The following PRKG1 variants were observed in gnomAD, a reference collection of about 807,000 sequenced individuals.
PRKG1 encodes the protein protein kinase cGMP-dependent 1, also known as cGMP-dependent protein kinase 1.
Under a neutral mutation model 88.1 loss-of-function variants are expected in PRKG1, and 35 were observed. That is an observed-to-expected ratio of 0.40 (90% confidence interval 0.30 to 0.53). The LOEUF (loss-of-function observed/expected upper bound fraction) is 0.53. PRKG1 is among the 20% of genes least tolerant of loss of function. The pLI, the probability that PRKG1 is intolerant of heterozygous loss-of-function variation, is 0.59. For missense variants in PRKG1, 540 were observed against 839.8 expected (o/e 0.64, Z 4.41); for synonymous variants, 303 against 292.5 (o/e 1.04, Z -0.37).
intron 2 of PRKG1, among the ~76,000 whole-genome samples, chr10:51,332,098 C>A (rs192735232): frequency 6.6e-6 from 1 of 152,208 alleles, no homozygotes; most frequent in South Asian, 2.1e-4. Context: ...GGATAGATAT[C>A]CATCAAATCC....
chr10:51,835,993 C>G (rs554513170), intron 4 of PRKG1, among the ~76,000 whole-genome samples: 2 of 152,102 alleles, frequency 1.3e-5, no homozygotes, highest in East Asian at 3.8e-4. Context: ...AGATGTTGAG[C>G]ATTTTTTTTA....
intron 5 of PRKG1, among the ~76,000 whole-genome samples, chr10:51,953,440 T>A (rs182744849): frequency 3.5e-4 from 53 of 152,286 alleles, no homozygotes; most frequent in Non-Finnish European, 6.8e-4. Context: ...ATCAAAGGAC[T>A]TTTTTCAGTA....
chr10:51,569,968 G>A (rs1211178004), intron 3 of PRKG1, among the ~76,000 whole-genome samples: 1 of 150,726 alleles, frequency 6.6e-6, no homozygotes, highest in Non-Finnish European at 1.5e-5. Flanking sequence ...GCATTTTGAT[G>A]TTCCTTTGAA....
intron 3 of PRKG1, among the ~76,000 whole-genome samples, chr10:51,647,507 T>G (rs1370983176): frequency 6.6e-6 from 1 of 152,186 alleles, no homozygotes; most frequent in Non-Finnish European, 1.5e-5. Flanking sequence ...CTTTGCCATT[T>G]ATCGTTTTTG....
chr10:52,159,753 A>G (rs1838230378), intron 8 of PRKG1, among the ~76,000 whole-genome samples: 1 of 151,872 alleles, frequency 6.6e-6, no homozygotes, highest in South Asian at 2.1e-4. Flanking sequence ...AATAGATAAT[A>G]GAAGGAAGAC....
chr10:51,096,111 T>C (rs2131873113), intron 1 of PRKG1, among the ~76,000 whole-genome samples: 1 of 152,218 alleles, frequency 6.6e-6, no homozygotes, highest in East Asian at 1.9e-4. Flanking sequence ...AATTTAGTAG[T>C]GTTTCTTTTT....
rs143352950 is a variant in PRKG1, at chr10:51,740,508, A to G, written c.593-64077A>G. On this transcript the variant is annotated intron_variant, in intron 3 of 17. Transcript: ENST00000373980. ...TGAATGACATTATTTTATGCTTTGC[A>G]AATCACTTTAATATCTGGATTGATA... Among the ~76,000 whole-genome samples, 696 of 152,290 alleles carry G rather than the reference A, an allele frequency of 4.6e-3. 2 individuals carry two copies. The highest frequency in any genetic ancestry group is 0.016 in the African/African-American group (675 of 41,568).
At chr10:52,230,547 G>C (rs1376907820) in intron 9 of PRKG1, among the ~76,000 whole-genome samples, 1 of 152,192 alleles carries the variant, frequency 6.6e-6, no homozygotes, top group Non-Finnish European at 1.5e-5. Flanking sequence ...TGGCCAGTGA[G>C]TAATGGAATT....
At chr10:52,223,866 A>G (rs1247851379) in intron 9 of PRKG1, among the ~76,000 whole-genome samples, 1 of 152,128 alleles carries the variant, frequency 6.6e-6, no homozygotes, top group Non-Finnish European at 1.5e-5. Context: ...ATCTTGGTCC[A>G]ACAGCAAATC....
intron 4 of PRKG1, among the ~76,000 whole-genome samples, chr10:51,905,596 C>A (rs1842069715): frequency 6.6e-6 from 1 of 151,922 alleles, no homozygotes; most frequent in Admixed American, 6.6e-5. Context: ...ATGTTGATAA[C>A]CTTTTGTTTT....
At chr10:51,036,947 T>A (rs916078944) in intron 1 of PRKG1, among the ~76,000 whole-genome samples, 2 of 152,178 alleles carry the variant, frequency 1.3e-5, no homozygotes, top group African/African-American at 4.8e-5. Flanking sequence ...GAGGATGAAT[T>A]CTCTGGTTAA....
intron 3 of PRKG1, among the ~76,000 whole-genome samples, chr10:51,480,825 G>T (rs1840334704): frequency 6.6e-6 from 1 of 152,050 alleles, no homozygotes; most frequent in Non-Finnish European, 1.5e-5. Flanking sequence ...AGATGTAATG[G>T]ACAGTCAAAA....
At chr10:52,253,699 T>C (rs1841238839) in intron 10 of PRKG1, among the ~76,000 whole-genome samples, 3 of 151,864 alleles carry the variant, frequency 2.0e-5, no homozygotes, top group Non-Finnish European at 4.4e-5. Context: ...CTCATGGATA[T>C]TATATTTTAC....
chr10:51,741,696 TA>T (rs1039682987), intron 3 of PRKG1, among the ~76,000 whole-genome samples: 2 of 152,132 alleles, frequency 1.3e-5, no homozygotes, highest in Non-Finnish European at 2.9e-5. Context: ...GGAATATGGC[TA>T]GGAGTTTTGG....
At chr10:52,123,846 A>AT (rs1369593965) in intron 7 of PRKG1, among the ~76,000 whole-genome samples, 5 of 152,172 alleles carry the variant, frequency 3.3e-5, no homozygotes, top group African/African-American at 9.7e-5. Flanking sequence ...TCTTAAAAAA[A>AT]AAATAAATCC....
Position 51,739,176 on chromosome 10 carries a change from G to T in PRKG1, c.593-65409G>T, listed in dbSNP as rs7893690. On this transcript the variant is annotated intron_variant, in intron 3 of 17. Transcript: ENST00000373980. The stretch of plus-strand genomic sequence containing the variant: ...ATTTTAGCCTCATCGTAATTGCCAT[G>T]CATCCTAAATTTATTGTCTTTTTTT... Among the ~76,000 whole-genome samples the T allele has an allele frequency of 1.3e-3, 205 of 152,302 alleles. 1 individual carries two copies. The highest frequency in any genetic ancestry group is 4.7e-3 in the African/African-American group (197 of 41,572).
intron 8 of PRKG1, among the ~76,000 whole-genome samples, chr10:52,156,939 A>G (rs1475843540): frequency 1.3e-5 from 2 of 151,732 alleles, no homozygotes; most frequent in East Asian, 3.9e-4. Context: ...AAGCATTCTG[A>G]TAATACCTGA....
chr10:51,684,486 G>A (rs1397171089), intron 3 of PRKG1, among the ~76,000 whole-genome samples: 1 of 152,020 alleles, frequency 6.6e-6, no homozygotes, highest in Non-Finnish European at 1.5e-5. Context: ...TAATTTATAT[G>A]TTGATAAAAA....
At chr10:51,704,645 AG>A (rs556284734) in intron 3 of PRKG1, among the ~76,000 whole-genome samples, 39 of 152,338 alleles carry the variant, frequency 2.6e-4, no homozygotes, top group Non-Finnish European at 4.4e-4. Context: ...ATAGATAGGT[AG>A]AAGATGAAGA....
Sources: gnomAD v4.1 joint callset for allele counts (sites outside exome capture counted in the v4.1 genomes callset) on GRCh38, gnomAD v4.1.1 for gene constraint, MANE v1.5 for transcripts, NCBI Gene and HGNC (gene_info 2026-07-23, HGNC 2026-07-21) for gene names.